PSME3IP1: variants seen among roughly 807,000 people sequenced by gnomAD.
PSME3IP1 encodes the protein proteasome activator subunit 3 interacting protein 1, also known as PSME3-interacting protein.
PSME3IP1 carries 13 observed loss-of-function variants against 34.1 expected under a neutral mutation model. That is an observed-to-expected ratio of 0.38 (90% CI 0.25 to 0.61). The LOEUF (loss-of-function observed/expected upper bound fraction) is 0.61. Among genes scored for constraint, PSME3IP1 ranks in the 20% least tolerant of loss-of-function variants. The probability of loss-of-function intolerance (pLI) is 0.60; values close to 1 mark genes in which losing one functional copy is unlikely to be tolerated. For missense variants in PSME3IP1, 237 were observed against 301.4 expected, an observed-to-expected ratio of 0.79 and a Z score of 1.58; for synonymous variants, 93 against 114.3, an observed-to-expected ratio of 0.81 and a Z score of 1.19.
chr16:57,178,825 T>C, intron 1 of PSME3IP1: 1 of 985,464 alleles, frequency 1.0e-6, no homozygotes, highest in Non-Finnish European at 1.2e-6. Context: ...ACAGCGTTTT[T>C]GTTTGAAGAG....
chr16:57,162,162 A>T (rs751592509), intron 6 of PSME3IP1, among the ~76,000 whole-genome samples: 2 of 152,154 alleles, frequency 1.3e-5, no homozygotes, highest in Non-Finnish European at 2.9e-5. Context: ...TCAGCCTCCC[A>T]AAGTGTTGGG....
At chr16:57,182,240 C>T (rs2073782715) in intron 1 of PSME3IP1, among the ~76,000 whole-genome samples, 1 of 152,014 alleles carries the variant, frequency 6.6e-6, no homozygotes. Context: ...TACAATATCA[C>T]ACTGGCCATG....
chr16:57,171,474 T>A (rs985305224), intron 4 of PSME3IP1, among the ~76,000 whole-genome samples: 1 of 152,226 alleles, frequency 6.6e-6, no homozygotes, highest in Admixed American at 6.5e-5. Flanking sequence ...GTTCCCTTTC[T>A]TGTCTAAGGA....
At chr16:57,175,899 A>T (rs371131225) in intron 1 of PSME3IP1, among the ~76,000 whole-genome samples, 73 of 152,374 alleles carry the variant, frequency 4.8e-4, no homozygotes, top group African/African-American at 1.7e-3. Flanking sequence ...CGTTCAGAAC[A>T]AGAGAATAGT....
chr16:57,178,322 C>A lies in PSME3IP1; in HGVS notation c.-15-4453G>T, dbSNP rs1183041170. 2.0e-5 allele frequency among the ~76,000 whole-genome samples: 3 copies of A among 152,302 alleles called. No individual in the cohort carries two copies. In the East Asian group the frequency reaches 5.8e-4, roughly 29 times the overall value. On this transcript the variant is annotated intron_variant, in intron 1 of 6. Coordinates refer to ENST00000309137, the MANE Select transcript of PSME3IP1 (RefSeq NM_024946.4). ...TCCTTTATGAAGCTTTCCAAGACCT[C>A]CTAGAGTAGTTAATATGTATTTCCT...
At chr16:57,166,986 T>C in intron 5 of PSME3IP1, 107 bp downstream of exon 5, 2 of 1,330,556 alleles carry the variant, frequency 1.5e-6, no homozygotes, top group Admixed American at 2.0e-5. Flanking sequence ...CCAAGGGAAC[T>C]TCACCAGGAC....
chr16:57,173,585 C>T (rs1432046737), intron 2 of PSME3IP1, 143 bp downstream of exon 2: 6 of 903,638 alleles, frequency 6.6e-6, no homozygotes, highest in East Asian at 6.1e-5. Flanking sequence ...GCCAAGATCG[C>T]GCCACTGCAC....
At chr16:57,180,760 A>G (rs2145962616) in intron 1 of PSME3IP1, among the ~76,000 whole-genome samples, 1 of 152,174 alleles carries the variant, frequency 6.6e-6, no homozygotes, top group South Asian at 2.1e-4. Flanking sequence ...ACAAACAAAC[A>G]AACAGACAAA....
intron 1 of PSME3IP1, chr16:57,175,450 G>C (rs1024490105): frequency 6.6e-5 from 10 of 152,126 alleles, no homozygotes; most frequent in Admixed American, 6.5e-4. Flanking sequence ...TCAATCCAAT[G>C]TCCATTCCAA....
rs572511801 is a variant in PSME3IP1 at position 57,153,356 on chromosome 16, T to C, written c.*934A>G. ...TCCACAGTTAAAAGCACAAGTATAA[T>C]ATGCATTAAACAGAGAAGGGCCTCA... On this transcript the variant is annotated 3_prime_UTR_variant, in exon 7 of 7. Coordinates refer to ENST00000309137, the MANE Select transcript of PSME3IP1 (RefSeq NM_024946.4). 6.6e-6 allele frequency: 1 copy of C among 152,250 alleles called. No individual in the cohort carries two copies. The highest frequency in any genetic ancestry group is 2.4e-5 in the African/African-American group (1 of 41,548). 9.4% of individuals were successfully genotyped at this position (152,250 alleles called of 1,614,324 possible). A position where few individuals can be genotyped will look rare whatever the true frequency, so the allele number is the denominator to read the frequency against.
Position 57,178,706 on chromosome 16 carries a change from TTACTA to T in PSME3IP1, c.-15-4842_-15-4838del, listed in dbSNP as rs369010463. ...ACAAAGGACTAAAAATTAAATCTCTTTACTATATTATATAATTGATGTCATCTTTC... is the reference window on the plus strand; with the variant it reads ...ACAAAGGACTAAAAATTAAATCTCTTTATTATATAATTGATGTCATCTTTC... On this transcript the variant is annotated intron_variant, in intron 1 of 6. Transcript: ENST00000309137. The T allele has an allele frequency of 2.3e-4, 230 of 983,216 alleles. 2 individuals are homozygous for T. In the East Asian group the frequency reaches 0.017, roughly 73 times the overall value. 60.9% of individuals were successfully genotyped at this position (983,216 alleles called of 1,614,324 possible).
At chr16:57,171,336 G>A (rs1171492152) in intron 4 of PSME3IP1, among the ~76,000 whole-genome samples, 10 of 152,158 alleles carry the variant, frequency 6.6e-5, no homozygotes. Context: ...AGAAGGAGGC[G>A]GGTTGGCCTA....
At chr16:57,174,480 C>T (rs773670623) in intron 1 of PSME3IP1, 61 of 985,310 alleles carry the variant, frequency 6.2e-5, no homozygotes, top group Non-Finnish European at 7.2e-5. Context: ...AGCTATTTCT[C>T]TGTCCCTCTA....
At chr16:57,157,660 C>A (rs2070721646) in intron 6 of PSME3IP1, among the ~76,000 whole-genome samples, 1 of 151,262 alleles carries the variant, frequency 6.6e-6, no homozygotes, top group Non-Finnish European at 1.5e-5. Context: ...CTATGCTGCC[C>A]AGGTTAAACT....
chr16:57,171,478 C>T (rs1333714255), intron 4 of PSME3IP1, among the ~76,000 whole-genome samples: 3 of 152,120 alleles, frequency 2.0e-5, no homozygotes, highest in Non-Finnish European at 2.9e-5. Context: ...CCTTTCTTGT[C>T]TAAGGAATAG....
chr16:57,153,762 C>T lies in PSME3IP1; in HGVS notation c.*528G>A, dbSNP rs2070184383. 1 of 153,658 alleles carries T rather than the reference C, an allele frequency of 6.5e-6. No homozygotes were observed. The highest frequency in any genetic ancestry group is 6.4e-5 in the Admixed American group (1 of 15,504). 9.5% of individuals were successfully genotyped at this position (153,658 alleles called of 1,614,324 possible). On this transcript the variant is annotated 3_prime_UTR_variant, in exon 7 of 7. Transcript: ENST00000309137. ...GGGGTTTATCATCTTTACTTAGTCACACAACATCAAGGACTGGTTAGTTCC... is the reference window on the plus strand; with the variant it reads ...GGGGTTTATCATCTTTACTTAGTCATACAACATCAAGGACTGGTTAGTTCC...
At chr16:57,180,337 C>A (rs574340447) in intron 1 of PSME3IP1, among the ~76,000 whole-genome samples, 1 of 152,006 alleles carries the variant, frequency 6.6e-6, no homozygotes, top group African/African-American at 2.4e-5. Flanking sequence ...CACCTGTAAT[C>A]CTAGCACTTT....
intron 4 of PSME3IP1, 78 bp from the exon 5 acceptor site, chr16:57,167,304 T>C: frequency 6.6e-7 from 1 of 1,513,904 alleles, no homozygotes; most frequent in South Asian, 1.1e-5. Flanking sequence ...GGCTGTGCGA[T>C]GTAATGTCTG....
Position 57,158,726 on chromosome 16 carries a change from A to C in PSME3IP1, c.548-4219T>G, listed in dbSNP as rs111616847. ...CAGACACCCCTGCTTAATGATGGGA[A>C]TATGACCTAAGAAATGCATCATTAG... On this transcript the variant is annotated intron_variant, in intron 6 of 6. Coordinates refer to ENST00000309137, the MANE Select transcript of PSME3IP1 (RefSeq NM_024946.4). Among the ~76,000 whole-genome samples, 546 of 152,370 alleles carry C rather than the reference A, an allele frequency of 3.6e-3. 5 individuals carry two copies. Among genetic ancestry groups the C allele is most frequent in the African/African-American group, 0.013 (534 of 41,594 alleles).
Sources: gnomAD v4.1 joint callset for allele counts (sites outside exome capture counted in the v4.1 genomes callset) on GRCh38, gnomAD v4.1.1 for gene constraint, MANE v1.5 for transcripts, NCBI Gene and HGNC (gene_info 2026-07-23, HGNC 2026-07-21) for gene names.